The following ASH1L variants were observed in gnomAD, a reference collection of about 807,000 sequenced individuals.
ASH1L encodes histone-lysine N-methyltransferase ASH1L.
ASH1L carries 23 observed loss-of-function variants against 269.0 expected under a neutral mutation model. The observed-to-expected ratio is 0.09, with a 90% confidence interval of 0.06 to 0.12. The LOEUF is 0.12. ASH1L is among the 10% of genes least tolerant of loss of function. ASH1L has a pLI of 1.00. For missense variants in ASH1L, 2,912 were observed against 3,567.8 expected (o/e 0.82, Z 4.68); for synonymous variants, 1,187 against 1,253.5 (o/e 0.95, Z 1.12).
Position 155,480,537 on chromosome 1 carries a change from C to T in ASH1L, c.2333G>A (p.Arg778Gln), listed in dbSNP as rs373475579. The T allele has an allele frequency of 8.4e-5, 135 of 1,613,928 alleles. No individual in the cohort carries two copies. The highest frequency in any genetic ancestry group is 3.3e-4 in the Middle Eastern group (2 of 6,084). ...SFVDHDFLKRRLPKLSKSTAP... is the reference protein window; with the variant it reads ...SFVDHDFLKRQLPKLSKSTAP... Reference sequence around the variant, plus strand: ...TGTGGATTTGCTCAACTTTGGCAATCGGCGTTTAAGGAAGTCATGATCTAC... The same window carrying T: ...TGTGGATTTGCTCAACTTTGGCAATTGGCGTTTAAGGAAGTCATGATCTAC... The change falls in exon 3 of 28, where the codon CGA becomes CAA. Residue 778 changes from arginine (R) to glutamine (Q), a missense_variant. Transcript: ENST00000392403.
intron 7 of ASH1L, among the ~76,000 whole-genome samples, chr1:155,382,664 A>G (rs566777883): frequency 6.6e-6 from 1 of 152,264 alleles, no homozygotes; most frequent in South Asian, 2.1e-4. Context: ...ATACAGCGAG[A>G]AAACAGTGAT....
intron 5 of ASH1L, among the ~76,000 whole-genome samples, chr1:155,418,807 C>G (rs1010330914): frequency 6.6e-6 from 1 of 151,976 alleles, no homozygotes; most frequent in Admixed American, 6.6e-5. Flanking sequence ...CAGTGGCTCA[C>G]GCCTGTAATC....
At chr1:155,562,843 C>G (rs780564920), upstream of ASH1L, 44 of 496,976 alleles carry the variant, frequency 8.9e-5, no homozygotes, top group Middle Eastern at 1.3e-3. Context: ...TCCTCCCCCC[C>G]CTTCCCCGCC....
intron 1 of ASH1L, among the ~76,000 whole-genome samples, chr1:155,523,233 A>G (rs770599080): frequency 1.3e-5 from 2 of 152,084 alleles, no homozygotes; most frequent in Admixed American, 6.6e-5. Flanking sequence ...GGTGGCTCAC[A>G]CCTATAATCC....
In ASH1L at chr1:155,438,362, T is replaced by C. The variant is rs369367522; in HGVS notation, c.5793A>G (p.Pro1931=). ...TCTCTTGCTCTTCTTCCTCTGGTAA[T>C]GGCTTCTGCTTTTTTCTGGTCTGTT... ...LEEQTRKKQK[P]LPEEEEQENN... is the part of the protein sequence containing the mutation. The change falls in exon 5 of 28, where the codon CCA becomes CCG. Residue 1931 remains proline (P), a synonymous_variant. Coordinates refer to ENST00000392403, the MANE Select transcript of ASH1L (RefSeq NM_018489.3). The C allele has an allele frequency of 2.1e-5, 34 of 1,588,334 alleles. No homozygotes were observed. Among genetic ancestry groups the C allele is most frequent in the Non-Finnish European group, 2.5e-5 (29 of 1,170,928 alleles).
At chr1:155,375,244 G>A (rs1352514447) in intron 10 of ASH1L, among the ~76,000 whole-genome samples, 1 of 152,136 alleles carries the variant, frequency 6.6e-6, no homozygotes, top group African/African-American at 2.4e-5. Flanking sequence ...TTCTTCCAGG[G>A]AACAATCATT....
At chr1:155,533,447 C>T (rs764561038) in intron 1 of ASH1L, among the ~76,000 whole-genome samples, 3 of 151,778 alleles carry the variant, frequency 2.0e-5, no homozygotes, top group Non-Finnish European at 4.4e-5. Flanking sequence ...GGCGTGGTGG[C>T]TCACACCTGT....
chr1:155,405,059 AAAAT>A (rs1659158790), intron 6 of ASH1L, among the ~76,000 whole-genome samples: 1 of 151,702 alleles, frequency 6.6e-6, no homozygotes, highest in Non-Finnish European at 1.5e-5. Context: ...TAAAAATAAA[AAAAT>A]AAAAATAAAA....
chr1:155,369,605 T>A (rs1655752654), intron 12 of ASH1L, among the ~76,000 whole-genome samples: 1 of 152,176 alleles, frequency 6.6e-6, no homozygotes, highest in Non-Finnish European at 1.5e-5. Flanking sequence ...TAGATGCTAA[T>A]CTATTTGAGG....
At chr1:155,442,193 T>C (rs762986538) in intron 4 of ASH1L, among the ~76,000 whole-genome samples, 2 of 152,132 alleles carry the variant, frequency 1.3e-5, no homozygotes, top group Non-Finnish European at 2.9e-5. Context: ...TCAAGGTGCT[T>C]TGTTATGCAG....
chr1:155,474,803 A>G (rs1665408746), intron 3 of ASH1L, among the ~76,000 whole-genome samples: 1 of 152,246 alleles, frequency 6.6e-6, no homozygotes, highest in African/African-American at 2.4e-5. Flanking sequence ...ATGTTCAGAC[A>G]TAAGCCTGCC....
At chr1:155,500,544 G>C (rs567683512) in intron 2 of ASH1L, among the ~76,000 whole-genome samples, 1 of 152,112 alleles carries the variant, frequency 6.6e-6, no homozygotes, top group Admixed American at 6.5e-5. Context: ...ATGCATTCTG[G>C]ACCTCTTCAT....
chr1:155,556,924 CCA>C (rs1671634872), intron 1 of ASH1L, among the ~76,000 whole-genome samples: 1 of 151,998 alleles, frequency 6.6e-6, no homozygotes, highest in African/African-American at 2.4e-5. Context: ...GCCTGTAATC[CCA>C]GTTACTTGGG....
intron 19 of ASH1L, 51 bp downstream of exon 19, chr1:155,349,276 A>T: frequency 6.3e-7 from 1 of 1,582,116 alleles, no homozygotes; most frequent in South Asian, 1.1e-5. Flanking sequence ...TTCTAGACTA[A>T]TTCTTTTCAG....
At chr1:155,420,447 A>G (rs966351943) in intron 5 of ASH1L, among the ~76,000 whole-genome samples, 3 of 151,460 alleles carry the variant, frequency 2.0e-5, no homozygotes, top group Non-Finnish European at 4.4e-5. Context: ...ACAGAAATAT[A>G]ATTTCTTTAT....
intron 1 of ASH1L, among the ~76,000 whole-genome samples, chr1:155,544,236 T>C (rs1021371077): frequency 6.6e-6 from 1 of 151,124 alleles, no homozygotes; most frequent in African/African-American, 2.4e-5. Flanking sequence ...CATACAAAAG[T>C]AAAAGTATCT....
intron 6 of ASH1L, among the ~76,000 whole-genome samples, chr1:155,406,741 G>A (rs1659325061): frequency 6.6e-6 from 1 of 152,084 alleles, no homozygotes; most frequent in African/African-American, 2.4e-5. Context: ...AATCAACACA[G>A]TGTTTGAACA....
chr1:155,518,646 C>T (rs892696753), intron 2 of ASH1L, among the ~76,000 whole-genome samples: 1 of 108,820 alleles, frequency 9.2e-6, no homozygotes, highest in Non-Finnish European at 1.7e-5. Flanking sequence ...TAAGAAAATG[C>T]AAATCAAAAA....
intron 12 of ASH1L, 23 bp from the exon 13 acceptor site, chr1:155,360,432 T>C (rs773063692): frequency 6.6e-6 from 10 of 1,517,354 alleles, no homozygotes; most frequent in Non-Finnish European, 9.1e-6. Flanking sequence ...AAAACAGAGT[T>C]ATAAAGGCTG....
Sources: gnomAD v4.1 joint callset for allele counts (sites outside exome capture counted in the v4.1 genomes callset) on GRCh38, gnomAD v4.1.1 for gene constraint, MANE v1.5 for transcripts, NCBI Gene and HGNC (gene_info 2026-07-23, HGNC 2026-07-21) for gene names.